HAPSTR1: variants seen among roughly 807,000 people sequenced by gnomAD.
HAPSTR1 encodes the protein HUWE1-associated protein modifying stress responses 1.
the HAPSTR1 span, chr16:9,112,928 T>C: frequency 6.3e-4 from 96 of 152,292 alleles, no homozygotes; most frequent in African/African-American, 2.1e-3. Flanking sequence ...CTTTTGTCAA[T>C]TGATACTCTC....
chr16:9,092,959 C>G, the HAPSTR1 span: 7 of 1,611,316 alleles, frequency 4.3e-6, no homozygotes, highest in Non-Finnish European at 5.9e-6. Flanking sequence ...TCTCTGGGTC[C>G]CCTTCCAAAA....
At chr16:9,116,932 C>T in the HAPSTR1 span, 1 of 1,611,032 alleles carries the variant, frequency 6.2e-7, no homozygotes, top group Non-Finnish European at 8.5e-7. Context: ...ATTTTCACAC[C>T]CACCATGCTG....
the HAPSTR1 span, among the ~76,000 whole-genome samples, chr16:9,098,390 T>C: frequency 6.6e-6 from 1 of 152,298 alleles, no homozygotes; most frequent in East Asian, 1.9e-4. Flanking sequence ...GTGTGCTAGG[T>C]GAAGATTAAG....
At chr16:9,106,759 G>C in the HAPSTR1 span, 1 of 152,012 alleles carries the variant, frequency 6.6e-6, no homozygotes, top group African/African-American at 2.4e-5. Context: ...ACATGCATGT[G>C]CTAAATTGAT....
chr16:9,094,848 C>T, the HAPSTR1 span, among the ~76,000 whole-genome samples: 24 of 152,282 alleles, frequency 1.6e-4, no homozygotes, highest in African/African-American at 5.5e-4. Flanking sequence ...ATGGGATTGT[C>T]CTCTGGCTTT....
the HAPSTR1 span, chr16:9,108,649 C>T: frequency 1.3e-5 from 2 of 152,178 alleles, no homozygotes; most frequent in Non-Finnish European, 2.9e-5. Context: ...TTTTATATCT[C>T]TTTCTGAGGT....
the HAPSTR1 span, chr16:9,092,357 G>C: frequency 8.5e-7 from 1 of 1,178,682 alleles, no homozygotes; most frequent in East Asian, 3.3e-5. Flanking sequence ...GCCGCTTCGG[G>C]GGGCCGCGAC....
the HAPSTR1 span, among the ~76,000 whole-genome samples, chr16:9,114,780 G>C: frequency 3.9e-5 from 6 of 152,198 alleles, no homozygotes; most frequent in East Asian, 1.2e-3. Context: ...GCCAGCTCTT[G>C]TTTACTACCT....
chr16:9,115,538 T>C, the HAPSTR1 span, among the ~76,000 whole-genome samples: 3 of 152,154 alleles, frequency 2.0e-5, no homozygotes, highest in Non-Finnish European at 4.4e-5. Context: ...AGGAGTGGAA[T>C]GTAAGTTTGG....
chr16:9,121,504 C>A, the HAPSTR1 span: 2 of 152,130 alleles, frequency 1.3e-5, no homozygotes, highest in Admixed American at 1.3e-4. Context: ...AGACTTTTTG[C>A]TTGATATCAC....
the HAPSTR1 span, chr16:9,113,027 G>C: frequency 1.6e-5 from 2 of 128,304 alleles, no homozygotes; most frequent in East Asian, 4.8e-4. Flanking sequence ...TGTTTTTTTT[G>C]TTTTTTTTTG....
the HAPSTR1 span, chr16:9,103,098 A>T: frequency 6.2e-7 from 1 of 1,614,148 alleles, no homozygotes; most frequent in Non-Finnish European, 8.5e-7. Flanking sequence ...ATTCGTCGAG[A>T]AGATTTGATC....
the HAPSTR1 span, among the ~76,000 whole-genome samples, chr16:9,099,140 G>A: frequency 0.2 from 6,502 of 33,118 alleles, 249 homozygotes; most frequent in African/African-American, 0.34. Context: ...AGCATTTAAA[G>A]AAAAAAAAGG....
the HAPSTR1 span, chr16:9,116,660 C>T: frequency 4.4e-6 from 7 of 1,601,402 alleles, no homozygotes; most frequent in South Asian, 3.4e-5. Flanking sequence ...CTTTTTTCTT[C>T]TTCCTAGGTC....
chr16:9,094,959 C>T, the HAPSTR1 span, among the ~76,000 whole-genome samples: 1 of 152,178 alleles, frequency 6.6e-6, no homozygotes, highest in Admixed American at 6.5e-5. Context: ...AGCAGTTGAA[C>T]TCTGAAATAA....
chr16:9,092,149 C>T, the HAPSTR1 span: 2 of 1,560,762 alleles, frequency 1.3e-6, no homozygotes, highest in Non-Finnish European at 1.7e-6. Flanking sequence ...CCGAACAGGA[C>T]GAGCAGCTGC....
At chr16:9,103,787 G>T in the HAPSTR1 span, 1 of 153,938 alleles carries the variant, frequency 6.5e-6, no homozygotes, top group Non-Finnish European at 1.4e-5. Context: ...ACTTTAAGAG[G>T]CAGGACCAGC....
the HAPSTR1 span, among the ~76,000 whole-genome samples, chr16:9,095,258 C>T: frequency 9.9e-5 from 15 of 152,186 alleles, no homozygotes; most frequent in East Asian, 2.3e-3. Flanking sequence ...CTCTGGATAG[C>T]CTCACACTTT....
the HAPSTR1 span, among the ~76,000 whole-genome samples, chr16:9,098,468 AAC>A: frequency 3.9e-5 from 6 of 152,174 alleles, no homozygotes; most frequent in African/African-American, 1.4e-4. Flanking sequence ...TACGATTGGG[AAC>A]AGTTTTATTT....
Sources: gnomAD v4.1 joint callset for allele counts (sites outside exome capture counted in the v4.1 genomes callset) on GRCh38, gnomAD v4.1.1 for gene constraint, MANE v1.5 for transcripts, NCBI Gene and HGNC (gene_info 2026-07-23, HGNC 2026-07-21) for gene names.